Variants in SYNCRIP observed in about 807,000 individuals in gnomAD.
SYNCRIP encodes synaptotagmin binding cytoplasmic RNA interacting protein, also known as heterogeneous nuclear ribonucleoprotein Q.
A neutral mutation model predicts 68.9 loss-of-function variants in SYNCRIP; 9 were observed. The observed-to-expected ratio is 0.13, with a 90% CI of 0.08 to 0.23. The LOEUF (loss-of-function observed/expected upper bound fraction) is 0.23, where lower values mean the gene tolerates loss of function less well. Ranked by LOEUF, SYNCRIP falls within the 10% of genes least tolerant of loss-of-function variation. The pLI is 1.00. For missense variants in SYNCRIP, 414 were observed against 770.6 expected, an observed-to-expected ratio of 0.54 and a Z score of 5.48; for synonymous variants, 258 against 254.0, an observed-to-expected ratio of 1.02 and a Z score of -0.15.
intron 4 of SYNCRIP, among the ~76,000 whole-genome samples, chr6:85,637,958 T>C (rs1271978466): frequency 6.6e-6 from 1 of 152,238 alleles, no homozygotes; most frequent in Non-Finnish European, 1.5e-5. Context: ...TTAAAAACTT[T>C]ATGAAACTGC....
Position 85,640,431 on chromosome 6 carries a change from TG to T in SYNCRIP, c.267+14del. On this transcript the variant is annotated intron_variant, in intron 3 of 10. Coordinates refer to ENST00000369622, the MANE Select transcript of SYNCRIP (RefSeq NM_006372.5). ...TACTCAAATTTTTTAATTTTCACAT[TG>T]ACATTAACATTACCTGAACATGAGA... 2 of 1,589,198 alleles carry T rather than the reference TG, an allele frequency of 1.3e-6. No individual in the cohort carries two copies. Among genetic ancestry groups the T allele is most frequent in the Admixed American group, 3.5e-5 (2 of 56,638 alleles).
At position 85,619,417 on chromosome 6, in the gene SYNCRIP, C is replaced by T. The variant is rs2128282225; in HGVS notation, c.1009G>A (p.Val337Ile). ...AGGTTGCGTACAAACAGCACTTTTA[C>T]CTAGGGGGAAGAAAATACCCCCCTG... ...EDPDPEVMAK[V>I]KVLFVRNLAN... Residue 337 changes from valine (V) to isoleucine (I), a missense_variant and splice_region_variant, in exon 9 of 11, where the codon GTA (valine) becomes ATA (isoleucine). By Grantham distance (29) the Val-to-Ile change is conservative. Coordinates refer to ENST00000369622, the MANE Select transcript of SYNCRIP (RefSeq NM_006372.5). 1.2e-6 allele frequency: 2 copies of T among 1,610,032 alleles called. No homozygotes were observed. The highest frequency in any genetic ancestry group is 1.3e-5 in the African/African-American group (1 of 74,806).
intron 10 of SYNCRIP, among the ~76,000 whole-genome samples, chr6:85,617,550 A>G (rs566827213): frequency 6.6e-4 from 101 of 152,364 alleles, no homozygotes; most frequent in African/African-American, 2.3e-3. Flanking sequence ...CCTACAAAGT[A>G]TATTTTCTTT....
Position 85,639,121 on chromosome 6 carries a change from T to C in SYNCRIP, c.375+1100A>G, listed in dbSNP as rs185756517. On this transcript the variant is annotated intron_variant, in intron 4 of 10. Transcript: ENST00000369622. ...TACTCGGGAGGCTGAGGCAGGAGAA[T>C]TGCTCGAACCCGCGAGGTGGAGGTT... Among the ~76,000 whole-genome samples the C allele has an allele frequency of 1.7e-3, 256 of 152,210 alleles. 2 individuals are homozygous for C. Among genetic ancestry groups the C allele is most frequent in the African/African-American group, 6.0e-3 (249 of 41,524 alleles).
chr6:85,629,913 G>A (rs1287696220), intron 6 of SYNCRIP, among the ~76,000 whole-genome samples: 1 of 151,812 alleles, frequency 6.6e-6, no homozygotes, highest in Non-Finnish European at 1.5e-5. Flanking sequence ...GAACCCAGGA[G>A]ACAGAGGTTG....
At chr6:85,642,226 G>C (rs1196837896) in intron 1 of SYNCRIP, among the ~76,000 whole-genome samples, 1 of 152,080 alleles carries the variant, frequency 6.6e-6, no homozygotes, top group East Asian at 1.9e-4. Context: ...CAGCGCCGCC[G>C]TCTCCGCCGT....
downstream of SYNCRIP, chr6:85,613,941 CAATT>C: frequency 2.1e-6 from 2 of 970,724 alleles, no homozygotes; most frequent in Non-Finnish European, 2.4e-6. Flanking sequence ...TCATTCATCA[CAATT>C]AAGAACTCTA....
chr6:85,616,762 G>A (rs201194231), intron 10 of SYNCRIP, among the ~76,000 whole-genome samples: 1 of 152,106 alleles, frequency 6.6e-6, no homozygotes, highest in East Asian at 1.9e-4. Flanking sequence ...ATTGTTTTGA[G>A]GAAATGATGG....
intron 6 of SYNCRIP, among the ~76,000 whole-genome samples, chr6:85,628,737 G>A (rs1346686841): frequency 6.6e-6 from 1 of 152,200 alleles, no homozygotes; most frequent in East Asian, 1.9e-4. Flanking sequence ...TGTTAAACTA[G>A]TGTAAATACT....
chr6:85,637,430 T>C (rs1808584669), intron 4 of SYNCRIP, 74 bp from the exon 5 acceptor site: 3 of 962,118 alleles, frequency 3.1e-6, no homozygotes, highest in East Asian at 4.8e-5. Context: ...TTAACATCCA[T>C]CTTGCTCAAA....
chr6:85,638,243 C>T (rs1412052338), intron 4 of SYNCRIP, among the ~76,000 whole-genome samples: 1 of 151,838 alleles, frequency 6.6e-6, no homozygotes, highest in Non-Finnish European at 1.5e-5. Flanking sequence ...CGTGGTGGCA[C>T]GCGCCTGTAA....
intron 6 of SYNCRIP, among the ~76,000 whole-genome samples, chr6:85,631,482 T>C (rs1311697575): frequency 1.3e-5 from 2 of 152,206 alleles, no homozygotes; most frequent in African/African-American, 2.4e-5. Context: ...ACAGGAATGC[T>C]GTGATCTAAT....
At chr6:85,623,577 A>G (rs959780884) in intron 7 of SYNCRIP, among the ~76,000 whole-genome samples, 1 of 151,176 alleles carries the variant, frequency 6.6e-6, no homozygotes, top group South Asian at 2.1e-4. Flanking sequence ...AAAAAAAAAA[A>G]AAAAAACACT....
At position 85,623,583 on chromosome 6, in the gene SYNCRIP, A is replaced by AAAAAAAACAAAAAAC. The variant is rs1562087872; in HGVS notation, c.802+393_802+394insGTTTTTTGTTTTTTT. Among the ~76,000 whole-genome samples the AAAAAAAACAAAAAAC allele has an allele frequency of 4.3e-4, 62 of 143,984 alleles. 1 individual carries two copies. The highest frequency in any genetic ancestry group is 1.6e-3 in the African/African-American group (62 of 39,582). 94.5% of individuals were successfully genotyped at this position (143,984 alleles called of 152,430 possible). A position where few individuals can be genotyped will look rare whatever the true frequency, so the allele number is the denominator to read the frequency against. ...TCTCCAAAAAAAAAAAAAAAAAAAA[A>AAAAAAAACAAAAAAC]CACTCTGCTACGGCAATACTTACTA... On this transcript the variant is annotated intron_variant, in intron 7 of 10. Coordinates refer to ENST00000369622, the MANE Select transcript of SYNCRIP (RefSeq NM_006372.5).
downstream of SYNCRIP, chr6:85,612,529 T>G (rs1805322962): frequency 5.7e-6 from 1 of 174,310 alleles, no homozygotes. Context: ...ATACCACTGT[T>G]GGGATCCTTA....
intron 10 of SYNCRIP, among the ~76,000 whole-genome samples, chr6:85,617,625 C>A (rs954381071): frequency 6.6e-6 from 1 of 152,218 alleles, no homozygotes; most frequent in Non-Finnish European, 1.5e-5. Flanking sequence ...ATAATTTTGT[C>A]TGATCCCATT....
At chr6:85,623,570 A>AAAAAAAAAAAAAAACAAAC in intron 7 of SYNCRIP, among the ~76,000 whole-genome samples, 2 of 150,636 alleles carry the variant, frequency 1.3e-5, no homozygotes, top group South Asian at 2.1e-4. Context: ...TCCAAAAAAA[A>AAAAAAAAAAAAAAACAAAC]AAAAAAAAAA....
intron 4 of SYNCRIP, among the ~76,000 whole-genome samples, chr6:85,639,745 C>G (rs894115859): frequency 6.6e-5 from 10 of 152,156 alleles, no homozygotes; most frequent in African/African-American, 2.4e-4. Flanking sequence ...AGTTTCTCAT[C>G]TACATACCCA....
chr6:85,623,428 G>A (rs1228618351), intron 7 of SYNCRIP, among the ~76,000 whole-genome samples: 1 of 151,632 alleles, frequency 6.6e-6, no homozygotes. Flanking sequence ...GCCAGGTGTG[G>A]TGGTGCGCGC....
Sources: gnomAD v4.1 joint callset for allele counts (sites outside exome capture counted in the v4.1 genomes callset) on GRCh38, gnomAD v4.1.1 for gene constraint, MANE v1.5 for transcripts, NCBI Gene and HGNC (gene_info 2026-07-23, HGNC 2026-07-21) for gene names.